GRIN2A: variants seen among roughly 807,000 people sequenced by gnomAD.
The protein encoded by GRIN2A is glutamate receptor ionotropic, NMDA 2A.
Under a neutral mutation model 113.4 loss-of-function variants are expected in GRIN2A, and 22 were observed. The observed-to-expected ratio is 0.19, with a 90% confidence interval of 0.14 to 0.28. GRIN2A has a LOEUF of 0.28. Ranked by LOEUF, GRIN2A falls within the 10% of genes least tolerant of loss-of-function variation. The pLI, the probability that GRIN2A is intolerant of heterozygous loss-of-function variation, is 1.00. For missense variants in GRIN2A, 1,502 were observed against 1,887.0 expected, an observed-to-expected ratio of 0.80 and a Z score of 3.78; for synonymous variants, 827 against 738.4, an observed-to-expected ratio of 1.12 and a Z score of -1.94.
At chr16:9,892,512 T>G (rs767380263) in intron 3 of GRIN2A, among the ~76,000 whole-genome samples, 2 of 152,090 alleles carry the variant, frequency 1.3e-5, no homozygotes, top group Non-Finnish European at 2.9e-5. Flanking sequence ...AGTGAAAGAT[T>G]AGATGAGGGG....
chr16:10,001,437 G>A (rs1394697013), intron 2 of GRIN2A, among the ~76,000 whole-genome samples: 1 of 152,170 alleles, frequency 6.6e-6, no homozygotes, highest in African/African-American at 2.4e-5. Context: ...GGCTTCAGGA[G>A]TTTTCAAGTC....
intron 2 of GRIN2A, among the ~76,000 whole-genome samples, chr16:10,039,812 A>AC (rs1491260826): frequency 1.3e-5 from 1 of 75,792 alleles, no homozygotes; most frequent in Admixed American, 1.3e-4. Context: ...GGGGGGGGAG[A>AC]AAGAGAGAGA....
intron 2 of GRIN2A, among the ~76,000 whole-genome samples, chr16:10,095,152 C>T (rs1596499510): frequency 6.6e-6 from 1 of 152,152 alleles, no homozygotes; most frequent in African/African-American, 2.4e-5. Context: ...AGAGAGAAGA[C>T]AGCTGTCTGC....
At chr16:9,844,150 C>T (rs1185653560) in intron 5 of GRIN2A, among the ~76,000 whole-genome samples, 2 of 152,132 alleles carry the variant, frequency 1.3e-5, no homozygotes, top group African/African-American at 2.4e-5. Context: ...GTTTTAGGTG[C>T]CCCAGGTTTA....
At chr16:10,164,662 G>A (rs897672408) in intron 2 of GRIN2A, among the ~76,000 whole-genome samples, 4 of 152,160 alleles carry the variant, frequency 2.6e-5, no homozygotes, top group African/African-American at 9.7e-5. Flanking sequence ...AGAACTCCCC[G>A]CCAGGCTTCA....
intron 2 of GRIN2A, among the ~76,000 whole-genome samples, chr16:9,996,668 T>C (rs1315046123): frequency 6.6e-6 from 1 of 152,228 alleles, no homozygotes; most frequent in Non-Finnish European, 1.5e-5. Context: ...GTGGTTTTTA[T>C]GGAGTTTCTG....
chr16:10,113,808 GC>G (rs1663612081), intron 2 of GRIN2A, among the ~76,000 whole-genome samples: 1 of 152,170 alleles, frequency 6.6e-6, no homozygotes, highest in Non-Finnish European at 1.5e-5. Flanking sequence ...ATGTGTGACA[GC>G]GTTATTGAGT....
rs1054860378 is a variant in GRIN2A at position 9,965,990 on chromosome 16, T to C, written c.415-27439A>G. On this transcript the variant is annotated intron_variant, in intron 2 of 12. Coordinates refer to ENST00000330684, the MANE Select transcript of GRIN2A (RefSeq NM_001134407.3). ...TTTCTGGTAGCTTATCAAAATAATC[T>C]TGGGATCTTTTAAATATGCAGCACC... Among the ~76,000 whole-genome samples, 3 of 152,196 alleles carry C rather than the reference T, an allele frequency of 2.0e-5. No individual in the cohort carries two copies. The East Asian group carries it at 5.8e-4, about 29-fold the overall frequency.
chr16:9,781,156 A>G (rs1458495233), intron 11 of GRIN2A, among the ~76,000 whole-genome samples: 1 of 152,178 alleles, frequency 6.6e-6, no homozygotes, highest in Non-Finnish European at 1.5e-5. Flanking sequence ...GTAAAACTTT[A>G]TAAAAAACAT....
intron 5 of GRIN2A, among the ~76,000 whole-genome samples, chr16:9,842,971 GGAAGA>G (rs2042707189): frequency 7.7e-6 from 1 of 129,530 alleles, no homozygotes; most frequent in South Asian, 2.4e-4. Flanking sequence ...GAGAGAGAGA[GGAAGA>G]AAGAAAGAAA....
chr16:10,009,436 T>C (rs1226666114), intron 2 of GRIN2A, among the ~76,000 whole-genome samples: 1 of 152,164 alleles, frequency 6.6e-6, no homozygotes, highest in African/African-American at 2.4e-5. Context: ...AGTAGGCAGG[T>C]GAGAGCGACA....
chr16:10,090,400 T>C (rs990854820), intron 2 of GRIN2A, among the ~76,000 whole-genome samples: 6 of 152,188 alleles, frequency 3.9e-5, no homozygotes, highest in African/African-American at 1.4e-4. Flanking sequence ...GTCAATTGAT[T>C]TTTGACAAAC....
chr16:9,820,438 G>A (rs2042260914), intron 10 of GRIN2A, among the ~76,000 whole-genome samples: 1 of 152,236 alleles, frequency 6.6e-6, no homozygotes. Context: ...AGCAGTTGCA[G>A]TCTTCGGTGT....
At chr16:9,898,974 C>T (rs1429207389) in intron 3 of GRIN2A, among the ~76,000 whole-genome samples, 1 of 152,200 alleles carries the variant, frequency 6.6e-6, no homozygotes, top group East Asian at 1.9e-4. Flanking sequence ...CAATTCCCAA[C>T]TCATCCACCT....
chr16:10,176,184 T>C (rs963215623), intron 2 of GRIN2A, among the ~76,000 whole-genome samples: 60 of 152,074 alleles, frequency 3.9e-4, no homozygotes, highest in African/African-American at 1.4e-3. Flanking sequence ...TTTTGTATTT[T>C]TGTAGAGATG....
intron 2 of GRIN2A, among the ~76,000 whole-genome samples, chr16:9,987,450 T>G (rs552206551): frequency 6.6e-6 from 1 of 152,326 alleles, no homozygotes; most frequent in African/African-American, 2.4e-5. Context: ...ACCTATTCAC[T>G]AAGAATAGTA....
At chr16:10,139,626 C>T (rs1165871010) in intron 2 of GRIN2A, among the ~76,000 whole-genome samples, 1 of 152,094 alleles carries the variant, frequency 6.6e-6, no homozygotes, top group African/African-American at 2.4e-5. Context: ...ATAAGAATCA[C>T]CTGGGGATAC....
In GRIN2A at chr16:9,763,493, T is replaced by C. The variant is rs1171916093; in HGVS notation, c.4051A>G (p.Ser1351Gly). The C allele has an allele frequency of 3.1e-6, 5 of 1,614,104 alleles. No individual in the cohort carries two copies. Among genetic ancestry groups the C allele is most frequent in the South Asian group, 1.1e-5 (1 of 91,076 alleles). The change falls in exon 13 of 13, where the codon AGC (serine) becomes GGC (glycine). Residue 1351 changes from serine to glycine, a missense_variant. Physicochemically the swap from Ser to Gly is moderately conservative, Grantham distance 56. Transcript: ENST00000330684. Reference sequence around the variant, plus strand: ...GGCAAGAGAGACTTGCTCCTCTTGCTGTCCTCCAGACCTTGGGGGAAAAGG... The same window carrying C: ...GGCAAGAGAGACTTGCTCCTCTTGCCGTCCTCCAGACCTTGGGGGAAAAGG... ...SSLFPQGLED[S>G]KRSKSLLPDH...
chr16:9,768,290 G>A (rs994213727), intron 12 of GRIN2A, among the ~76,000 whole-genome samples: 5 of 152,154 alleles, frequency 3.3e-5, no homozygotes, highest in African/African-American at 1.2e-4. Flanking sequence ...CTGACCTCGT[G>A]ATCCGCCCGC....
Sources: gnomAD v4.1 joint callset for allele counts (sites outside exome capture counted in the v4.1 genomes callset) on GRCh38, gnomAD v4.1.1 for gene constraint, MANE v1.5 for transcripts, NCBI Gene and HGNC (gene_info 2026-07-23, HGNC 2026-07-21) for gene names.